The following FRMD3 variants were observed in gnomAD, a reference collection of about 807,000 sequenced individuals.
FRMD3 encodes FERM domain-containing protein 3.
FRMD3 carries 33 observed loss-of-function variants against 70.2 expected under a neutral mutation model. The observed-to-expected ratio is 0.47, with a 90% CI of 0.36 to 0.63. FRMD3 has a LOEUF of 0.63. Among genes scored for constraint, FRMD3 ranks in the 20% least tolerant of loss-of-function variants. FRMD3 has a pLI of 0.00. For missense variants in FRMD3, 632 were observed against 711.4 expected (o/e 0.89, Z 1.27); for synonymous variants, 279 against 255.9 (o/e 1.09, Z -0.86).
chr9:83,447,391 T>A (rs555034734), intron 1 of FRMD3, among the ~76,000 whole-genome samples: 22 of 152,204 alleles, frequency 1.4e-4, no homozygotes, highest in South Asian at 1.2e-3. Flanking sequence ...TGCCCTCCCA[T>A]CCAGTGTGGC....
the FRMD3 span, among the ~76,000 whole-genome samples, chr9:83,570,426 T>C: frequency 2.7e-4 from 41 of 152,258 alleles, no homozygotes; most frequent in African/African-American, 9.2e-4. Flanking sequence ...GGCAATTTCA[T>C]GTGATTTAAT....
chr9:83,378,798 T>TTATATAA (rs1587794376), intron 2 of FRMD3, among the ~76,000 whole-genome samples: 1 of 104,710 alleles, frequency 9.6e-6, no homozygotes, highest in Non-Finnish European at 1.8e-5. Context: ...ATGTATAATT[T>TTATATAA]ATATATATAC....
At chr9:83,528,739 G>A (rs750027894) in intron 1 of FRMD3, among the ~76,000 whole-genome samples, 1 of 151,972 alleles carries the variant, frequency 6.6e-6, no homozygotes, top group Non-Finnish European at 1.5e-5. Flanking sequence ...TGTTGCCCAG[G>A]CTGGTCTCAA....
intron 13 of FRMD3, among the ~76,000 whole-genome samples, chr9:83,258,053 A>G (rs1053684928): frequency 6.6e-5 from 10 of 152,234 alleles, no homozygotes; most frequent in African/African-American, 2.4e-4. Context: ...ACTGATGGAA[A>G]AGACTGCCCG....
At chr9:83,580,265 G>A in the FRMD3 span, among the ~76,000 whole-genome samples, 22 of 151,992 alleles carry the variant, frequency 1.4e-4, no homozygotes, top group African/African-American at 5.1e-4. Flanking sequence ...GTACAATCCG[G>A]TACTCTCATT....
At chr9:83,567,323 G>A in the FRMD3 span, among the ~76,000 whole-genome samples, 1 of 152,280 alleles carries the variant, frequency 6.6e-6, no homozygotes, top group East Asian at 1.9e-4. Context: ...TCTGGGCCTG[G>A]CCTACAAAAC....
At chr9:83,521,818 T>A (rs1011017174) in intron 1 of FRMD3, among the ~76,000 whole-genome samples, 55 of 152,370 alleles carry the variant, frequency 3.6e-4, no homozygotes, top group African/African-American at 1.3e-3. Context: ...AAATGTTATG[T>A]CTTCCTCTAT....
At position 83,248,092 on chromosome 9, in the gene FRMD3, G is replaced by C. The variant is rs2118494696; in HGVS notation, c.1620C>G (p.Leu540=). ...GGAGGAGGAGCAGGGGAAATACAAAGAGCAGCAGTCCCAGGCCCACCACAA... is the reference window on the plus strand; with the variant it reads ...GGAGGAGGAGCAGGGGAAATACAAACAGCAGCAGTCCCAGGCCCACCACAA... ...RLLVVGLGLL[L]FVFPLLLLLL... The change falls in exon 14 of 14, where the codon CTC becomes CTG. Residue 540 remains leucine (L), a synonymous_variant. Coordinates refer to ENST00000304195, the MANE Select transcript of FRMD3 (RefSeq NM_174938.6). The C allele has an allele frequency of 2.5e-6, 4 of 1,614,160 alleles. No individual in the cohort carries two copies. Among genetic ancestry groups the C allele is most frequent in the African/African-American group, 2.7e-5 (2 of 75,032 alleles).
intron 1 of FRMD3, among the ~76,000 whole-genome samples, chr9:83,499,182 C>T (rs773320017): frequency 6.6e-6 from 1 of 152,134 alleles, no homozygotes; most frequent in Non-Finnish European, 1.5e-5. Flanking sequence ...ATTCTGGGTG[C>T]AGTACTGTCC....
At chr9:83,446,025 T>A (rs1827450132) in intron 1 of FRMD3, among the ~76,000 whole-genome samples, 3 of 152,168 alleles carry the variant, frequency 2.0e-5, no homozygotes, top group Non-Finnish European at 4.4e-5. Context: ...TCCATAAATA[T>A]GAGAACTGTG....
upstream of FRMD3, among the ~76,000 whole-genome samples, chr9:83,538,947 A>C (rs142163473): frequency 6.6e-6 from 1 of 152,264 alleles, no homozygotes; most frequent in Non-Finnish European, 1.5e-5. The surrounding 1 kb of genome is among the most constrained non-coding windows in gnomAD (Gnocchi z 4.7). Context: ...TAATAGTAAA[A>C]ATCTCTGGTA....
At chr9:83,492,916 A>T (rs1828861961) in intron 1 of FRMD3, among the ~76,000 whole-genome samples, 1 of 151,986 alleles carries the variant, frequency 6.6e-6, no homozygotes, top group African/African-American at 2.4e-5. Context: ...CTTCTCCTCT[A>T]CTCAGGGAGC....
intron 13 of FRMD3, among the ~76,000 whole-genome samples, chr9:83,265,257 G>A (rs773461867): frequency 2.7e-4 from 41 of 151,970 alleles, no homozygotes; most frequent in Non-Finnish European, 5.2e-4. Flanking sequence ...AAAATTAGCC[G>A]GGCGTGGTGG....
chr9:83,472,810 T>C (rs944471315), intron 1 of FRMD3, among the ~76,000 whole-genome samples: 5 of 152,232 alleles, frequency 3.3e-5, no homozygotes, highest in Non-Finnish European at 4.4e-5. Context: ...ATTTCTCATA[T>C]AAAATATCTT....
At chr9:83,476,299 G>A (rs550897010) in intron 1 of FRMD3, among the ~76,000 whole-genome samples, 1 of 150,942 alleles carries the variant, frequency 6.6e-6, no homozygotes, top group African/African-American at 2.4e-5. Flanking sequence ...CAGGAGAATC[G>A]CTTGAACCTG....
chr9:83,256,284 T>C (rs1832705662), intron 13 of FRMD3, among the ~76,000 whole-genome samples: 1 of 48,802 alleles, frequency 2.0e-5, no homozygotes, highest in Admixed American at 1.6e-4. Flanking sequence ...GACTCCCTAT[T>C]TGATAAATGG....
intron 6 of FRMD3, among the ~76,000 whole-genome samples, chr9:83,319,998 T>C (rs1328143631): frequency 1.3e-5 from 2 of 152,246 alleles, no homozygotes; most frequent in African/African-American, 4.8e-5. Context: ...GATTTCTGCA[T>C]ATATATCTTG....
intron 1 of FRMD3, among the ~76,000 whole-genome samples, chr9:83,437,431 G>C (rs8181122): frequency 6.6e-6 from 1 of 151,956 alleles, no homozygotes; most frequent in Non-Finnish European, 1.5e-5. Flanking sequence ...TTTTTGACTC[G>C]TGCTCATTCT....
At chr9:83,330,559 G>A (rs1465100105) in intron 6 of FRMD3, among the ~76,000 whole-genome samples, 2 of 152,210 alleles carry the variant, frequency 1.3e-5, no homozygotes, top group Non-Finnish European at 2.9e-5. Flanking sequence ...GCAGGAGAGT[G>A]AAGTAGAAAT....
Sources: gnomAD v4.1 joint callset for allele counts (sites outside exome capture counted in the v4.1 genomes callset) on GRCh38, gnomAD v4.1.1 for gene constraint, Gnocchi (gnomAD v3.1) non-coding constraint, MANE v1.5 for transcripts, NCBI Gene and HGNC (gene_info 2026-07-23, HGNC 2026-07-21) for gene names.